Variants in MED15 observed in about 807,000 individuals in gnomAD.
MED15 encodes the protein mediator complex subunit 15.
In MED15, 41 loss-of-function variants were observed where a neutral mutation model predicts 118.7. The observed-to-expected ratio is 0.35, with a 90% confidence interval of 0.27 to 0.45. MED15 has a LOEUF of 0.45. MED15 is among the 20% of genes least tolerant of loss of function. The pLI, the probability that MED15 is intolerant of heterozygous loss-of-function variation, is 1.00. For synonymous variants in MED15, 436 were observed against 413.9 expected (o/e 1.05, Z -0.65); for missense variants, 740 against 1,025.5 (o/e 0.72, Z 3.80).
chr22:20,584,576 C>T, intron 14 of MED15, 151 bp downstream of exon 14: 1 of 988,234 alleles, frequency 1.0e-6, no homozygotes, highest in Non-Finnish European at 1.5e-6. Context: ...GCCAGGTCTG[C>T]TGTGCTGGGT....
Position 20,586,549 on chromosome 22 carries a change from G to T in MED15, c.2231-19G>T, listed in dbSNP as rs755646701. 2 of 1,608,914 alleles carry T rather than the reference G, an allele frequency of 1.2e-6. No homozygotes were observed. Among genetic ancestry groups the T allele is most frequent in the African/African-American group, 2.7e-5 (2 of 74,968 alleles). On this transcript the variant is annotated intron_variant, in intron 17 of 17. Transcript: ENST00000263205. The stretch of plus-strand genomic sequence containing the variant: ...GCAGCGCCGGCCGCCTTAGGTTCAC[G>T]CCCACTGCTCTGTTGCAGACGCCAA...
At chr22:20,584,228 A>G in intron 13 of MED15, 131 bp from the exon 14 acceptor site, 1 of 872,794 alleles carries the variant, frequency 1.1e-6, no homozygotes, top group Non-Finnish European at 1.9e-6. Flanking sequence ...GGGTCTGGGA[A>G]CAGCTGGTCA....
At chr22:20,564,017 A>G (rs1479712899) in intron 5 of MED15, among the ~76,000 whole-genome samples, 1 of 152,214 alleles carries the variant, frequency 6.6e-6, no homozygotes, top group Admixed American at 6.5e-5. Context: ...TTGGCGATAA[A>G]AATAACACAG....
intron 1 of MED15, among the ~76,000 whole-genome samples, chr22:20,527,043 C>G (rs190305089): frequency 1.6e-4 from 24 of 152,330 alleles, no homozygotes; most frequent in Admixed American, 1.2e-3. Context: ...TTACACTGCG[C>G]TGCCCTTGTG....
chr22:20,551,383 G>T (rs1318240568), intron 2 of MED15, 53 bp from the exon 3 acceptor site: 1 of 1,542,344 alleles, frequency 6.5e-7, no homozygotes, highest in East Asian at 2.2e-5. Context: ...GGGGGAGTCC[G>T]ATGACTGCGC....
At chr22:20,518,796 A>T in intron 1 of MED15, 1 of 441,782 alleles carries the variant, frequency 2.3e-6, no homozygotes, top group South Asian at 1.6e-5. Context: ...TGAACTTCTC[A>T]TTTTGAACTT....
At chr22:20,585,382 C>T (rs2057104601) in intron 16 of MED15, 115 bp downstream of exon 16, 5 of 1,360,440 alleles carry the variant, frequency 3.7e-6, no homozygotes, top group Non-Finnish European at 5.1e-6. Flanking sequence ...GTGTTCACGC[C>T]CCGCCAGGCT....
intron 8 of MED15, among the ~76,000 whole-genome samples, chr22:20,570,354 A>G (rs921732983): frequency 7.9e-5 from 12 of 151,182 alleles, no homozygotes; most frequent in African/African-American, 2.9e-4. Flanking sequence ...CAAGCCCAGC[A>G]GGAAAGTGAG....
chr22:20,518,761 T>C, intron 1 of MED15: 1 of 385,140 alleles, frequency 2.6e-6, no homozygotes, highest in Non-Finnish European at 5.2e-6. Flanking sequence ...CATGGTTTTG[T>C]CCATCAGTGC....
At chr22:20,508,676 C>G (rs936003729) in intron 1 of MED15, among the ~76,000 whole-genome samples, 7 of 152,064 alleles carry the variant, frequency 4.6e-5, no homozygotes, top group African/African-American at 1.7e-4. Flanking sequence ...GTACATTGAT[C>G]AGTTAGGGTG....
chr22:20,564,038 A>C (rs900280378), intron 5 of MED15, among the ~76,000 whole-genome samples: 1 of 152,244 alleles, frequency 6.6e-6, no homozygotes, highest in African/African-American at 2.4e-5. Context: ...AAAAACTGAT[A>C]ACATGCCACG....
chr22:20,536,944 C>T (rs2055102252), intron 1 of MED15, among the ~76,000 whole-genome samples, 173 bp from the exon 2 acceptor site: 1 of 152,196 alleles, frequency 6.6e-6, no homozygotes, highest in African/African-American at 2.4e-5. Context: ...CCTGTCATTG[C>T]TCTCTGTTGA....
At chr22:20,561,590 T>C (rs1320074405) in intron 5 of MED15, among the ~76,000 whole-genome samples, 4 of 151,594 alleles carry the variant, frequency 2.6e-5, no homozygotes, top group African/African-American at 9.7e-5. Flanking sequence ...TCATAATAAA[T>C]GTGAGTGGAC....
intron 13 of MED15, 35 bp downstream of exon 13, chr22:20,583,428 A>C: frequency 6.2e-7 from 1 of 1,609,796 alleles, no homozygotes; most frequent in Non-Finnish European, 8.5e-7. Context: ...AGGGTCCACA[A>C]GGGCACAGAT....
chr22:20,552,739 G>A (rs923766653), intron 3 of MED15: 2 of 276,634 alleles, frequency 7.2e-6, no homozygotes, highest in Non-Finnish European at 1.5e-5. Context: ...ACCAGAGTGG[G>A]CTGCAAAGGG....
intron 5 of MED15, among the ~76,000 whole-genome samples, chr22:20,560,414 G>A (rs893201669): frequency 1.3e-5 from 2 of 152,082 alleles, no homozygotes; most frequent in Non-Finnish European, 2.9e-5. Context: ...ACAGGCGCGC[G>A]CCACTACGCC....
intron 5 of MED15, among the ~76,000 whole-genome samples, chr22:20,556,411 C>T (rs1484717242): frequency 1.3e-5 from 2 of 151,544 alleles, no homozygotes; most frequent in African/African-American, 4.9e-5. Flanking sequence ...AAGCAGTTCT[C>T]TTGCCTCAGC....
intron 5 of MED15, among the ~76,000 whole-genome samples, chr22:20,561,609 T>C (rs992767404): frequency 6.6e-6 from 1 of 152,220 alleles, no homozygotes; most frequent in African/African-American, 2.4e-5. Flanking sequence ...ACTAAACTTT[T>C]CTGCTGAAAG....
intron 1 of MED15, among the ~76,000 whole-genome samples, chr22:20,517,457 G>A (rs1601446594): frequency 2.0e-5 from 3 of 152,064 alleles, no homozygotes; most frequent in Admixed American, 1.3e-4. Flanking sequence ...CTTCCTTTTC[G>A]TGGCTGAGCA....
Sources: gnomAD v4.1 joint callset for allele counts (sites outside exome capture counted in the v4.1 genomes callset) on GRCh38, gnomAD v4.1.1 for gene constraint, MANE v1.5 for transcripts, NCBI Gene and HGNC (gene_info 2026-07-23, HGNC 2026-07-21) for gene names.